Variants in PTGER3 observed in about 807,000 individuals in gnomAD.
The protein encoded by PTGER3 is prostaglandin E receptor 3.
In PTGER3, 22 loss-of-function variants were observed where a neutral mutation model predicts 34.7. The ratio of observed to expected loss-of-function variants is 0.63; its 90% CI spans 0.45 to 0.91. PTGER3 has a LOEUF of 0.91. Among genes scored for constraint, PTGER3 ranks in the 40% least tolerant of loss-of-function variants. The pLI is 0.00. For synonymous variants in PTGER3, 241 were observed against 230.1 expected, an observed-to-expected ratio of 1.05 and a Z score of -0.43; for missense variants, 468 against 519.4, an observed-to-expected ratio of 0.90 and a Z score of 0.96.
At chr1:70,873,584 G>GT (rs11399746) in intron 4 of PTGER3, among the ~76,000 whole-genome samples, 18,035 of 151,236 alleles carry the variant, frequency 0.12, 2,325 homozygotes, top group African/African-American at 0.3. Flanking sequence ...ATTTTCATAG[G>GT]TTTTTTGGGG....
At chr1:70,953,696 A>G (rs1347391572) in intron 3 of PTGER3, 2 of 1,535,602 alleles carry the variant, frequency 1.3e-6, no homozygotes, top group Non-Finnish European at 1.8e-6. Flanking sequence ...CAAACAGTAC[A>G]GTTGGCAGAA....
chr1:70,950,163 G>A (rs938536478), downstream of PTGER3, among the ~76,000 whole-genome samples: 3 of 152,134 alleles, frequency 2.0e-5, no homozygotes, highest in Admixed American at 1.3e-4. Flanking sequence ...GGTCTTAAAT[G>A]AGAAACAGAT....
In PTGER3 at chr1:71,047,699, T is replaced by C; in HGVS notation, c.-122A>G. 8.5e-7 allele frequency: 1 copy of C among 1,178,984 alleles called. No individual in the cohort carries two copies. The highest frequency in any genetic ancestry group is 1.1e-6 in the Non-Finnish European group (1 of 887,370). The allele number at this position is 1,178,984 out of a possible 1,614,324, so 73.0% of individuals were successfully genotyped here. ...GCTGGGGCTGGGCTGCCCCCCATGG[T>C]GCGGGGCGCAGCCGCCGCCCTACTC... On this transcript the variant is annotated 5_prime_UTR_variant, in exon 1 of 4. Coordinates refer to ENST00000306666, the MANE Select transcript of PTGER3 (RefSeq NM_198719.2).
chr1:70,974,181 T>G (rs1362251419), intron 3 of PTGER3, 116 bp downstream of exon 3: 10 of 1,396,210 alleles, frequency 7.2e-6, no homozygotes, highest in Non-Finnish European at 9.6e-6. Flanking sequence ...CAGATGTATA[T>G]GTTTAATTTG....
At position 71,019,834 on chromosome 1, in the gene PTGER3, G is replaced by A. The variant is rs565773694; in HGVS notation, c.898-7350C>T. 1.1e-4 allele frequency among the ~76,000 whole-genome samples: 16 copies of A among 152,256 alleles called. 1 individual carries two copies. The highest frequency in any genetic ancestry group is 3.8e-4 in the African/African-American group (16 of 41,562). On this transcript the variant is annotated intron_variant, in intron 1 of 3. Coordinates refer to ENST00000306666, the MANE Select transcript of PTGER3 (RefSeq NM_198719.2). ...TAATTTATGGGGGAGGAAATAAATT[G>A]GTTAGCTGCCCTTAGGCTCAATTCT...
intron 2 of PTGER3, among the ~76,000 whole-genome samples, chr1:71,003,782 G>C (rs1656696394): frequency 6.6e-6 from 1 of 152,152 alleles, no homozygotes; most frequent in African/African-American, 2.4e-5. Flanking sequence ...CCAGTTTTAG[G>C]TTTGAGTTTC....
At chr1:70,852,488 G>A (rs544718604) in exon 5 of PTGER3, 37 of 321,618 alleles carry the variant, frequency 1.2e-4, no homozygotes, top group African/African-American at 7.3e-4. Context: ...ACTCTATAGC[G>A]GTTAAAATTA....
chr1:70,854,374 C>G (rs1290910423), intron 4 of PTGER3, among the ~76,000 whole-genome samples: 1 of 152,148 alleles, frequency 6.6e-6, no homozygotes, highest in Non-Finnish European at 1.5e-5. Flanking sequence ...TTCAATGTCA[C>G]TAACCATTAG....
intron 2 of PTGER3, among the ~76,000 whole-genome samples, chr1:70,958,394 A>G (rs918544516): frequency 2.0e-5 from 3 of 152,068 alleles, no homozygotes; most frequent in Admixed American, 1.3e-4. Flanking sequence ...GTGAGGTGAT[A>G]CCATTGTGGT....
At chr1:70,947,006 A>T (rs1157546954) in intron 4 of PTGER3, among the ~76,000 whole-genome samples, 1 of 152,088 alleles carries the variant, frequency 6.6e-6, no homozygotes, top group Non-Finnish European at 1.5e-5. Flanking sequence ...GAATAAACTC[A>T]AGAGTTCCAG....
chr1:70,983,744 G>A (rs1654623783), intron 2 of PTGER3, among the ~76,000 whole-genome samples: 1 of 146,378 alleles, frequency 6.8e-6, no homozygotes, highest in African/African-American at 2.5e-5. Context: ...ATAAGCAAAA[G>A]GAAGAACAAT....
At chr1:70,865,448 T>C (rs920750978) in intron 4 of PTGER3, among the ~76,000 whole-genome samples, 8 of 151,974 alleles carry the variant, frequency 5.3e-5, no homozygotes, top group Non-Finnish European at 1.2e-4. Context: ...GAATTAACAG[T>C]GGACACAGAA....
chr1:70,909,929 G>A (rs1204535176), intron 4 of PTGER3, among the ~76,000 whole-genome samples: 1 of 152,094 alleles, frequency 6.6e-6, no homozygotes, highest in Non-Finnish European at 1.5e-5. Context: ...TACCCACTAT[G>A]GGTTCAATGT....
chr1:71,025,131 C>CCCTTCCTTCCTTCCTTCCTT lies in PTGER3; in HGVS notation c.898-12667_898-12648dup, dbSNP rs3044608. 5.6e-3 allele frequency among the ~76,000 whole-genome samples: 691 copies of CCCTTCCTTCCTTCCTTCCTT among 124,416 alleles called. 5 individuals are homozygous for CCCTTCCTTCCTTCCTTCCTT. The highest frequency in any genetic ancestry group is 0.019 in the African/African-American group (600 of 30,922). 81.6% of individuals were successfully genotyped at this position (124,416 alleles called of 152,430 possible). A position where few individuals can be genotyped will look rare whatever the true frequency, so the allele number is the denominator to read the frequency against. The stretch of plus-strand genomic sequence containing the variant: ...ATTCAATCCTTTTCAAGATTCCAGG[C>CCCTTCCTTCCTTCCTTCCTT]CCTTCCTTCCTTCCTTCCTTCCTTC... On this transcript the variant is annotated intron_variant, in intron 1 of 3. Transcript: ENST00000306666.
At chr1:70,910,399 TTTTTA>T (rs982956254) in intron 4 of PTGER3, among the ~76,000 whole-genome samples, 4 of 152,146 alleles carry the variant, frequency 2.6e-5, no homozygotes, top group Non-Finnish European at 5.9e-5. Flanking sequence ...GTGACTTTAT[TTTTTA>T]TTTTATTTTA....
chr1:70,955,015 A>G lies in PTGER3; in HGVS notation c.1078-1226T>C, dbSNP rs562175627. On this transcript the variant is annotated intron_variant, in intron 2 of 3. Coordinates refer to the PTGER3 transcript ENST00000356595. ...AGGAAGCTAAGATTTTAGTCTCATC[A>G]TTTCTTTAAGAAACTATAATTATTT... is the stretch of plus-strand genomic sequence containing the variant. Among the ~76,000 whole-genome samples, 12 of 152,260 alleles carry G rather than the reference A, an allele frequency of 7.9e-5. No homozygotes were observed. The East Asian group carries it at 1.3e-3, about 17-fold the overall frequency.
intron 4 of PTGER3, among the ~76,000 whole-genome samples, chr1:70,883,022 A>T (rs900357273): frequency 1.3e-5 from 2 of 152,188 alleles, no homozygotes; most frequent in African/African-American, 2.4e-5. Flanking sequence ...TGAGGGCCTT[A>T]CATGTTCCAA....
intron 1 of PTGER3, among the ~76,000 whole-genome samples, chr1:71,039,138 T>A (rs1006232890): frequency 6.6e-6 from 1 of 152,086 alleles, no homozygotes; most frequent in African/African-American, 2.4e-5. Flanking sequence ...AGATAAGTCC[T>A]CCCCTTCTCA....
At chr1:70,893,764 A>C (rs1377454769) in intron 4 of PTGER3, among the ~76,000 whole-genome samples, 4 of 152,238 alleles carry the variant, frequency 2.6e-5, no homozygotes, top group Admixed American at 6.5e-5. Flanking sequence ...GAACGTATGC[A>C]AATGTTCCAA....
Sources: gnomAD v4.1 joint callset for allele counts (sites outside exome capture counted in the v4.1 genomes callset) on GRCh38, gnomAD v4.1.1 for gene constraint, MANE v1.5 for transcripts, NCBI Gene and HGNC (gene_info 2026-07-23, HGNC 2026-07-21) for gene names.